SUGCT: variants seen among roughly 807,000 people sequenced by gnomAD.
The protein encoded by SUGCT is succinyl-CoA:glutarate-CoA transferase, also known as succinyl-CoA:glutarate CoA-transferase.
Under a neutral mutation model 55.0 loss-of-function variants are expected in SUGCT, and 41 were observed. That is an observed-to-expected ratio of 0.74 (90% CI 0.58 to 0.97). The LOEUF is 0.97. SUGCT is among the 50% of genes least tolerant of loss of function. SUGCT has a pLI of 0.00. For missense variants in SUGCT, 568 were observed against 547.8 expected, an observed-to-expected ratio of 1.04 and a Z score of -0.37; for synonymous variants, 187 against 200.4, an observed-to-expected ratio of 0.93 and a Z score of 0.56.
chr7:40,302,864 G>A (rs1271722007), intron 8 of SUGCT, among the ~76,000 whole-genome samples: 2 of 151,854 alleles, frequency 1.3e-5, no homozygotes, highest in African/African-American at 4.8e-5. Flanking sequence ...TAACCACTAA[G>A]TATTCATGAC....
chr7:40,441,589 A>G (rs2151412822), intron 9 of SUGCT, among the ~76,000 whole-genome samples: 1 of 152,348 alleles, frequency 6.6e-6, no homozygotes, highest in South Asian at 2.1e-4. Context: ...TGTTAAAAAA[A>G]TGCAGTCCAG....
the SUGCT span, among the ~76,000 whole-genome samples, chr7:40,918,146 C>T: frequency 3.5e-4 from 53 of 152,014 alleles, no homozygotes; most frequent in Middle Eastern, 3.4e-3. Flanking sequence ...CCTCATACCC[C>T]CCTGAAAAGG....
At chr7:40,148,650 A>G (rs986497037) in intron 1 of SUGCT, among the ~76,000 whole-genome samples, 13 of 152,282 alleles carry the variant, frequency 8.5e-5, no homozygotes, top group African/African-American at 1.7e-4. Context: ...ATCTCAAAAC[A>G]AAACAAAAAA....
At chr7:40,839,921 G>A (rs1187877806) in intron 13 of SUGCT, among the ~76,000 whole-genome samples, 1 of 152,082 alleles carries the variant, frequency 6.6e-6, no homozygotes, top group Admixed American at 6.6e-5. Flanking sequence ...AATGCTGGAA[G>A]CCTCTTGGGC....
chr7:40,655,030 A>G (rs1800950407), intron 12 of SUGCT, among the ~76,000 whole-genome samples: 1 of 152,218 alleles, frequency 6.6e-6, no homozygotes, highest in Admixed American at 6.5e-5. Context: ...CTAGGTGACT[A>G]TAATTATAGG....
chr7:40,761,700 A>T (rs1788540935), intron 13 of SUGCT, among the ~76,000 whole-genome samples: 1 of 152,152 alleles, frequency 6.6e-6, no homozygotes, highest in African/African-American at 2.4e-5. Flanking sequence ...GCTTATTAAC[A>T]TCCTGTGGAA....
chr7:40,392,795 T>C (rs1785516436), intron 9 of SUGCT, among the ~76,000 whole-genome samples: 1 of 152,180 alleles, frequency 6.6e-6, no homozygotes, highest in Non-Finnish European at 1.5e-5. Context: ...AAGTCAGTGG[T>C]AGCAAGGGAT....
the SUGCT span, among the ~76,000 whole-genome samples, chr7:40,921,140 AGTAT>A: frequency 6.6e-6 from 1 of 152,234 alleles, no homozygotes; most frequent in African/African-American, 2.4e-5. Context: ...GAAATGTGTT[AGTAT>A]AAATCAAAAA....
the SUGCT span, among the ~76,000 whole-genome samples, chr7:41,036,643 T>C: frequency 1.3e-5 from 2 of 152,146 alleles, no homozygotes; most frequent in African/African-American, 4.8e-5. Context: ...TAATTGCCAT[T>C]ACTTTTATTG....
intron 13 of SUGCT, among the ~76,000 whole-genome samples, chr7:40,835,078 G>A (rs1054843833): frequency 2.0e-5 from 3 of 152,260 alleles, no homozygotes; most frequent in Middle Eastern, 3.4e-3. Context: ...TATGATAGCC[G>A]CTAGCCACAT....
At position 40,556,372 on chromosome 7, in the gene SUGCT, C is replaced by T. The variant is rs192948461; in HGVS notation, c.1089+59986C>T. Among the ~76,000 whole-genome samples the T allele has an allele frequency of 2.4e-3, 339 of 140,422 alleles. 2 individuals are homozygous for T. The highest frequency in any genetic ancestry group is 0.011 in the African/African-American group (325 of 30,322). 92.1% of individuals were successfully genotyped at this position (140,422 alleles called of 152,430 possible). ...CCTTGAGGTGGACACACTACAGCTC[C>T]GCAGGATTAGGCTGAGGCAGGCCCT... On this transcript the variant is annotated intron_variant, in intron 12 of 13. Coordinates refer to ENST00000335693, the MANE Select transcript of SUGCT (RefSeq NM_001193313.2).
chr7:40,147,620 C>T (rs1312458628), intron 1 of SUGCT, among the ~76,000 whole-genome samples: 2 of 152,218 alleles, frequency 1.3e-5, no homozygotes, highest in Admixed American at 6.5e-5. Flanking sequence ...ACAGAGTTGT[C>T]ACCACAGTAT....
At chr7:40,371,759 A>G (rs1328617763) in intron 9 of SUGCT, among the ~76,000 whole-genome samples, 1 of 152,026 alleles carries the variant, frequency 6.6e-6, no homozygotes, top group Non-Finnish European at 1.5e-5. Flanking sequence ...AATTAACATC[A>G]ATATTGTTCT....
chr7:40,739,636 T>C lies in SUGCT; in HGVS notation c.1090-9798T>C, dbSNP rs557687470. Reference sequence around the variant, plus strand: ...TTTTTCCCCCCAGCTCCAGTACACATGTTTCAGTGCCATTTGTCAAAAAGG... The same window carrying C: ...TTTTTCCCCCCAGCTCCAGTACACACGTTTCAGTGCCATTTGTCAAAAAGG... On this transcript the variant is annotated intron_variant, in intron 12 of 13. Coordinates refer to ENST00000335693, the MANE Select transcript of SUGCT (RefSeq NM_001193313.2). Among the ~76,000 whole-genome samples, 4 of 152,326 alleles carry C rather than the reference T, an allele frequency of 2.6e-5. No individual in the cohort carries two copies. The South Asian group carries it at 8.3e-4, about 32-fold the overall frequency.
intron 10 of SUGCT, among the ~76,000 whole-genome samples, chr7:40,454,618 G>A (rs113739891): frequency 2.0e-5 from 3 of 152,132 alleles, no homozygotes; most frequent in East Asian, 1.9e-4. Context: ...CCCAGAGGGG[G>A]AAAAAATGTA....
chr7:40,478,987 C>T (rs772705118), intron 11 of SUGCT, among the ~76,000 whole-genome samples: 3 of 152,040 alleles, frequency 2.0e-5, no homozygotes, highest in Non-Finnish European at 2.9e-5. Flanking sequence ...CCTCTGGGTT[C>T]ATCTGTGTTT....
At chr7:40,910,868 T>C in the SUGCT span, among the ~76,000 whole-genome samples, 1 of 152,220 alleles carries the variant, frequency 6.6e-6, no homozygotes, top group Non-Finnish European at 1.5e-5. Flanking sequence ...ATAGAAATGA[T>C]GGTAGGCCCC....
At chr7:40,966,335 G>C in the SUGCT span, 1 of 152,156 alleles carries the variant, frequency 6.6e-6, no homozygotes, top group East Asian at 1.9e-4. Flanking sequence ...AGAAAACAAA[G>C]CTGTTACATA....
intron 12 of SUGCT, among the ~76,000 whole-genome samples, chr7:40,579,814 AG>A (rs1212069867): frequency 6.6e-6 from 1 of 152,188 alleles, no homozygotes; most frequent in Non-Finnish European, 1.5e-5. Context: ...GTGAGGCCAA[AG>A]CACATAATCC....
Sources: allele counts gnomAD v4.1 joint callset (sites outside exome capture counted in the v4.1 genomes callset), GRCh38; gene constraint gnomAD v4.1.1; transcripts MANE v1.5; gene names NCBI Gene and HGNC (gene_info 2026-07-23, HGNC 2026-07-21).